Variants in UBE2D3 observed in about 807,000 individuals in gnomAD.
The protein encoded by UBE2D3 is ubiquitin conjugating enzyme E2 D3.
A neutral mutation model predicts 22.8 loss-of-function variants in UBE2D3; 2 were observed. That is an observed-to-expected ratio of 0.09 (90% CI 0.04 to 0.28). The LOEUF is 0.28. Ranked by LOEUF, UBE2D3 falls within the 10% of genes least tolerant of loss-of-function variation. The pLI, the probability that UBE2D3 is intolerant of heterozygous loss-of-function variation, is 1.00. For missense variants in UBE2D3, 27 were observed against 182.5 expected, an observed-to-expected ratio of 0.15 and a Z score of 4.91; for synonymous variants, 56 against 60.4, an observed-to-expected ratio of 0.93 and a Z score of 0.34.
chr4:102,839,473 A>T (rs1487708770), intron 1 of UBE2D3, among the ~76,000 whole-genome samples: 1 of 152,130 alleles, frequency 6.6e-6, no homozygotes, highest in African/African-American at 2.4e-5. Flanking sequence ...GGGTTTCACC[A>T]TATTGCCCAG....
intron 1 of UBE2D3, among the ~76,000 whole-genome samples, chr4:102,854,198 GT>G (rs1363151235): frequency 6.6e-6 from 1 of 151,958 alleles, no homozygotes; most frequent in Non-Finnish European, 1.5e-5. Context: ...TTCTAAATTT[GT>G]TGTGTATCTA....
intron 2 of UBE2D3, among the ~76,000 whole-genome samples, chr4:102,826,013 G>A (rs868688724): frequency 1.3e-5 from 2 of 152,102 alleles, no homozygotes; most frequent in Non-Finnish European, 2.9e-5. Flanking sequence ...CCTCAGTCAA[G>A]TTCGGGACTC....
At position 102,801,496 on chromosome 4, in the gene UBE2D3, T is replaced by C; in HGVS notation, c.262A>G (p.Ile88Val). ...GCAGGCGACCACTGTGATCTTAGAA[T>C]ATCGAGACAAATGCTGCCATTACTG... ...INSNGSICLD[I>V]LRSQWSPALT... The change falls in exon 6 of 8, where the codon ATT becomes GTT. Residue 88 changes from isoleucine (I) to valine (V), a missense_variant. By Grantham distance (29) the Ile-to-Val change is conservative. Transcript: ENST00000453744. The C allele has an allele frequency of 6.2e-7, 1 of 1,609,740 alleles. No homozygotes were observed. Among genetic ancestry groups the C allele is most frequent in the Non-Finnish European group, 8.5e-7 (1 of 1,178,484 alleles).
At chr4:102,806,025 T>C (rs1175816465) in intron 4 of UBE2D3, among the ~76,000 whole-genome samples, 1 of 152,226 alleles carries the variant, frequency 6.6e-6, no homozygotes, top group Non-Finnish European at 1.5e-5. Context: ...CATGATGTTA[T>C]CTTCAGCCTA....
chr4:102,816,017 A>G (rs574099302), intron 2 of UBE2D3, among the ~76,000 whole-genome samples: 1 of 152,344 alleles, frequency 6.6e-6, no homozygotes. Context: ...TTGTAACATT[A>G]TATGCCCACA....
intron 2 of UBE2D3, chr4:102,810,801 A>G (rs1475938962): frequency 6.6e-6 from 1 of 152,164 alleles, no homozygotes; most frequent in Admixed American, 6.5e-5. Flanking sequence ...AATATTTTTA[A>G]GATGGTACAG....
At chr4:102,868,891 G>C (rs1246201246), upstream of UBE2D3, 3 of 1,474,452 alleles carry the variant, frequency 2.0e-6, no homozygotes, top group East Asian at 7.4e-5. Flanking sequence ...TCGGCAGTCC[G>C]CCGCGAGCGT....
chr4:102,853,337 T>C (rs1409671904), intron 1 of UBE2D3, among the ~76,000 whole-genome samples: 1 of 143,902 alleles, frequency 6.9e-6, no homozygotes, highest in African/African-American at 2.7e-5. Flanking sequence ...TTTCTGTGAA[T>C]TTATCCAGCA....
chr4:102,803,438 T>C (rs1375443060), intron 4 of UBE2D3, among the ~76,000 whole-genome samples: 1 of 152,220 alleles, frequency 6.6e-6, no homozygotes, highest in East Asian at 1.9e-4. Flanking sequence ...TATACAGCTA[T>C]ATATGAGCCT....
At chr4:102,805,174 A>G (rs1021729989) in intron 4 of UBE2D3, among the ~76,000 whole-genome samples, 16 of 152,236 alleles carry the variant, frequency 1.1e-4, no homozygotes, top group African/African-American at 3.9e-4. Context: ...AAATATTTCA[A>G]TGTTACAATT....
chr4:102,809,945 A>G lies in UBE2D3; in HGVS notation c.25-90T>C, dbSNP rs1386932305. 1.7e-5 allele frequency: 22 copies of G among 1,270,536 alleles called. No individual in the cohort carries two copies. In the South Asian group the frequency reaches 2.7e-4, roughly 16 times the overall value. The allele number at this position is 1,270,536 out of a possible 1,614,324, so 78.7% of individuals were successfully genotyped here. ...CACTGCTTTCAGTTACTTTCACCCT[A>G]TTTTTAAAGGCACACTCCATCACAA... On this transcript the variant is annotated intron_variant, in intron 2 of 7. Coordinates refer to ENST00000453744, the MANE Select transcript of UBE2D3 (RefSeq NM_181891.3).
At chr4:102,804,389 C>T (rs1348185606) in intron 4 of UBE2D3, among the ~76,000 whole-genome samples, 2 of 151,354 alleles carry the variant, frequency 1.3e-5, no homozygotes, top group African/African-American at 4.9e-5. Context: ...AACTCCTGAC[C>T]CCAGGTGATC....
At position 102,819,735 on chromosome 4, in the gene UBE2D3, A is replaced by G. The variant is rs114490822; in HGVS notation, c.24+6750T>C. 1,972 of 316,534 alleles carry G rather than the reference A, an allele frequency of 6.2e-3. 8 individuals carry two copies. Among genetic ancestry groups the G allele is most frequent in the Non-Finnish European group, 6.9e-3 (1,509 of 218,578 alleles). The allele number at this position is 316,534 out of a possible 1,614,324, so 19.6% of individuals were successfully genotyped here. A position where few individuals can be genotyped will look rare whatever the true frequency, so the allele number is the denominator to read the frequency against. ...GTTCCACAAATCATTTGTTATCCCAATCTCTACCATCTATTTTGCACGTCA... is the reference window on the plus strand; with the variant it reads ...GTTCCACAAATCATTTGTTATCCCAGTCTCTACCATCTATTTTGCACGTCA... On this transcript the variant is annotated intron_variant, in intron 2 of 7. Coordinates refer to ENST00000453744, the MANE Select transcript of UBE2D3 (RefSeq NM_181891.3).
At chr4:102,848,872 T>C (rs992235286) in intron 1 of UBE2D3, among the ~76,000 whole-genome samples, 4 of 151,818 alleles carry the variant, frequency 2.6e-5, no homozygotes, top group African/African-American at 9.7e-5. Flanking sequence ...GTCTGTAGTC[T>C]CTTTCCTTAT....
chr4:102,810,003 G>C (rs754406290), intron 2 of UBE2D3, 148 bp from the exon 3 acceptor site: 16 of 690,196 alleles, frequency 2.3e-5, no homozygotes, highest in Non-Finnish European at 3.7e-5. Flanking sequence ...TTAGGAGAGA[G>C]AACATGCCTG....
intron 1 of UBE2D3, among the ~76,000 whole-genome samples, chr4:102,836,726 T>C (rs1335423995): frequency 1.3e-5 from 2 of 152,258 alleles, no homozygotes; most frequent in Non-Finnish European, 2.9e-5. Context: ...TGTGTAGTGG[T>C]ATTTCATTGT....
intron 1 of UBE2D3, among the ~76,000 whole-genome samples, chr4:102,850,050 A>C (rs1474502161): frequency 1.3e-5 from 2 of 152,256 alleles, no homozygotes. Flanking sequence ...AAATATCAAC[A>C]ATAAAATGGA....
intron 2 of UBE2D3, chr4:102,819,655 G>A (rs1156459448): frequency 1.1e-6 from 1 of 945,728 alleles, no homozygotes; most frequent in African/African-American, 1.8e-5. Context: ...CCTATATAGT[G>A]GCAAGGCCAA....
intron 1 of UBE2D3, among the ~76,000 whole-genome samples, chr4:102,854,547 C>T (rs223353): frequency 0.57 from 87,387 of 152,020 alleles, 26,414 homozygotes; most frequent in African/African-American, 0.78. Context: ...TCTATACTTA[C>T]GTAATGCTTC....
Sources: gnomAD v4.1 joint callset for allele counts (sites outside exome capture counted in the v4.1 genomes callset) on GRCh38, gnomAD v4.1.1 for gene constraint, MANE v1.5 for transcripts, NCBI Gene and HGNC (gene_info 2026-07-23, HGNC 2026-07-21) for gene names.